Variants in TSPAN9 observed in about 807,000 individuals in gnomAD.
TSPAN9 encodes the protein tetraspanin 9.
TSPAN9 carries 16 observed loss-of-function variants against 31.0 expected under a neutral mutation model. The ratio of observed to expected loss-of-function variants is 0.52; its 90% CI spans 0.35 to 0.78. TSPAN9 has a LOEUF of 0.78. TSPAN9 is among the 30% of genes least tolerant of loss of function. TSPAN9 has a pLI of 0.01. For synonymous variants in TSPAN9, 145 were observed against 121.6 expected (o/e 1.19, Z -1.27); for missense variants, 272 against 312.5 (o/e 0.87, Z 0.98).
chr12:3,099,206 T>TGTC (rs58663374), intron 2 of TSPAN9, among the ~76,000 whole-genome samples: 1 of 23,856 alleles, frequency 4.2e-5, no homozygotes, highest in Non-Finnish European at 8.2e-5. Flanking sequence ...AGGTTGCTGA[T>TGTC]GTTATTTTTT....
intron 2 of TSPAN9, among the ~76,000 whole-genome samples, chr12:3,091,497 G>A (rs577575613): frequency 6.6e-6 from 1 of 152,320 alleles, no homozygotes; most frequent in East Asian, 1.9e-4. Flanking sequence ...CAGCTTAGAG[G>A]ATGCTACAGT....
chr12:3,147,759 C>T lies in TSPAN9; in HGVS notation c.-17-53418C>T, dbSNP rs932466412. On this transcript the variant is annotated intron_variant, in intron 2 of 8. Coordinates refer to ENST00000011898, the MANE Select transcript of TSPAN9 (RefSeq NM_006675.5). The surrounding 1 kb of genome is among the most constrained non-coding windows in gnomAD (Gnocchi z 4.3). ...CACATGTTGCTAGTGGCTGCCACGT[C>T]GGACGGTACTGTTCTAGACCAGTAG... Among the ~76,000 whole-genome samples the T allele has an allele frequency of 3.3e-5, 5 of 152,190 alleles. No homozygotes were observed. Among genetic ancestry groups the T allele is most frequent in the South Asian group, 2.1e-4 (1 of 4,826 alleles).
At chr12:3,096,382 G>A (rs1565574026) in intron 2 of TSPAN9, among the ~76,000 whole-genome samples, 1 of 152,128 alleles carries the variant, frequency 6.6e-6, no homozygotes, top group Non-Finnish European at 1.5e-5. Flanking sequence ...GGCATTCTTA[G>A]AGGCAGGGAC....
chr12:3,265,884 G>T (rs922710311), intron 3 of TSPAN9, among the ~76,000 whole-genome samples: 1 of 152,180 alleles, frequency 6.6e-6, no homozygotes, highest in Non-Finnish European at 1.5e-5. Context: ...GCTTAGACAG[G>T]ATACTCAACC....
rs75090575 is a variant in TSPAN9, at chr12:3,107,646, A to G, written c.-18+23927A>G. On this transcript the variant is annotated intron_variant, in intron 2 of 8. Coordinates refer to ENST00000011898, the MANE Select transcript of TSPAN9 (RefSeq NM_006675.5). This position sits in a 1 kb window ranked among gnomAD's most constrained non-coding sequence, Gnocchi z 4.1. ...TGGCCTCTTCCCTGTGGGACTGCCAAGCTGCTGCAAGGACCTTTAGGTCAC... is the reference window on the plus strand; with the variant it reads ...TGGCCTCTTCCCTGTGGGACTGCCAGGCTGCTGCAAGGACCTTTAGGTCAC... Among the ~76,000 whole-genome samples, 178 of 152,274 alleles carry G rather than the reference A, an allele frequency of 1.2e-3. No homozygotes were observed. Among genetic ancestry groups the G allele is most frequent in the Middle Eastern group, 3.4e-3 (1 of 294 alleles).
chr12:3,090,364 T>C (rs554673424), intron 2 of TSPAN9, among the ~76,000 whole-genome samples: 44 of 152,362 alleles, frequency 2.9e-4, no homozygotes, highest in African/African-American at 9.6e-4. Flanking sequence ...TGGGCTGGTC[T>C]CTGCAGTCTT....
intron 2 of TSPAN9, among the ~76,000 whole-genome samples, chr12:3,198,228 C>T (rs1334471997): frequency 1.0e-5 from 1 of 95,718 alleles, no homozygotes; most frequent in African/African-American, 3.8e-5. Context: ...CACAGGTCAC[C>T]ACCAGCACAG....
At chr12:3,278,707 G>A in intron 4 of TSPAN9, 95 bp downstream of exon 4, 1 of 1,491,238 alleles carries the variant, frequency 6.7e-7, no homozygotes, top group Non-Finnish European at 9.0e-7. Flanking sequence ...AGCCACCTGG[G>A]TGTCCAACCT....
chr12:3,160,101 TC>T (rs2098344265), intron 2 of TSPAN9, among the ~76,000 whole-genome samples: 1 of 152,146 alleles, frequency 6.6e-6, no homozygotes, highest in Non-Finnish European at 1.5e-5. Flanking sequence ...CCCTCATTCC[TC>T]CCCCAGCCCT....
chr12:3,222,959 C>T (rs1379649559), intron 3 of TSPAN9, among the ~76,000 whole-genome samples: 1 of 151,848 alleles, frequency 6.6e-6, no homozygotes, highest in Non-Finnish European at 1.5e-5. Context: ...AAGTGCCTAT[C>T]AGGCTAAGGC....
intron 3 of TSPAN9, among the ~76,000 whole-genome samples, chr12:3,231,083 G>A (rs144656080): frequency 6.6e-6 from 1 of 152,248 alleles, no homozygotes; most frequent in Non-Finnish European, 1.5e-5. Flanking sequence ...TGCTTGCCTG[G>A]GTGTGTAAGG....
intron 2 of TSPAN9, among the ~76,000 whole-genome samples, chr12:3,118,912 A>G (rs2098323828): frequency 6.6e-6 from 1 of 152,224 alleles, no homozygotes. Context: ...AAAGACAGGC[A>G]GGACTTCGGT....
At chr12:3,139,671 G>A (rs535001637) in intron 2 of TSPAN9, among the ~76,000 whole-genome samples, 8 of 152,084 alleles carry the variant, frequency 5.3e-5, no homozygotes, top group African/African-American at 1.9e-4. Flanking sequence ...TCAGCCTCCC[G>A]AGTAGCTGGG....
At chr12:3,180,976 C>T (rs1245580210) in intron 2 of TSPAN9, among the ~76,000 whole-genome samples, 4 of 151,580 alleles carry the variant, frequency 2.6e-5, no homozygotes, top group Non-Finnish European at 5.9e-5. Context: ...GAGTTCAGGG[C>T]CCTGCATTTT....
intron 1 of TSPAN9, among the ~76,000 whole-genome samples, chr12:3,081,149 A>G (rs985176312): frequency 3.9e-5 from 6 of 152,222 alleles, no homozygotes; most frequent in Non-Finnish European, 5.9e-5. Context: ...AGGGCCTCAT[A>G]TACAGCAGGT....
chr12:3,211,329 T>A (rs1340894758), intron 3 of TSPAN9, among the ~76,000 whole-genome samples: 3 of 152,252 alleles, frequency 2.0e-5, no homozygotes, highest in Non-Finnish European at 4.4e-5. Context: ...TCCACTGGAC[T>A]GTTTGTCTAT....
intron 3 of TSPAN9, among the ~76,000 whole-genome samples, chr12:3,255,727 G>A (rs997200315): frequency 3.9e-5 from 6 of 152,240 alleles, no homozygotes; most frequent in African/African-American, 1.4e-4. Context: ...TTAGAATATG[G>A]TGAGTATCTT....
chr12:3,094,529 GTTGTTGTTGTTTT>G (rs2098306770), intron 2 of TSPAN9, among the ~76,000 whole-genome samples: 1 of 141,784 alleles, frequency 7.1e-6, no homozygotes, highest in African/African-American at 2.5e-5. Context: ...TCTTGTTGTT[GTTGTTGTTGTTTT>G]TTTTTTTTTT....
chr12:3,137,048 T>C (rs1488386299), intron 2 of TSPAN9, among the ~76,000 whole-genome samples: 1 of 152,226 alleles, frequency 6.6e-6, no homozygotes, highest in Non-Finnish European at 1.5e-5. Flanking sequence ...ACTGCTACTC[T>C]GGGATCAACT....
Sources: allele counts gnomAD v4.1 joint callset (sites outside exome capture counted in the v4.1 genomes callset), GRCh38; gene constraint gnomAD v4.1.1; non-coding constraint Gnocchi (gnomAD v3.1); transcripts MANE v1.5; gene names NCBI Gene and HGNC (gene_info 2026-07-23, HGNC 2026-07-21).